The following RNF169 variants were observed in gnomAD, a reference collection of about 807,000 sequenced individuals.
RNF169 encodes ring finger protein 169.
RNF169 carries 24 observed loss-of-function variants against 53.9 expected under a neutral mutation model. The ratio of observed to expected loss-of-function variants is 0.45; its 90% confidence interval spans 0.32 to 0.63. The LOEUF is 0.63. RNF169 is among the 20% of genes least tolerant of loss of function. The pLI is 0.04. For synonymous variants in RNF169, 396 were observed against 363.5 expected, an observed-to-expected ratio of 1.09 and a Z score of -1.02; for missense variants, 883 against 906.2, an observed-to-expected ratio of 0.97 and a Z score of 0.33.
rs1266939242 is a variant in RNF169, at chr11:74,837,592, C to T, written c.*862C>T. 6.6e-6 allele frequency: 1 copy of T among 152,186 alleles called. No individual in the cohort carries two copies. Among genetic ancestry groups the T allele is most frequent in the Non-Finnish European group, 1.5e-5 (1 of 68,044 alleles). 9.4% of individuals were successfully genotyped at this position (152,186 alleles called of 1,614,324 possible). A position where few individuals can be genotyped will look rare whatever the true frequency, so the allele number is the denominator to read the frequency against. On this transcript the variant is annotated 3_prime_UTR_variant, in exon 6 of 6. Coordinates refer to ENST00000299563, the MANE Select transcript of RNF169 (RefSeq NM_001098638.2). ...TGGATAAACATATATGTGCATTATC[C>T]CCATCCCCCACAGTTTAGAGCCTTC...
chr11:74,765,522 C>T (rs143849373), intron 1 of RNF169, among the ~76,000 whole-genome samples: 15 of 152,194 alleles, frequency 9.9e-5, no homozygotes, highest in South Asian at 2.1e-4. Context: ...CAAAACCAGC[C>T]GGGTGCGGTG....
At chr11:74,785,205 TATATGA>T (rs1278456814) in intron 1 of RNF169, among the ~76,000 whole-genome samples, 7 of 122,964 alleles carry the variant, frequency 5.7e-5, no homozygotes, top group Non-Finnish European at 1.1e-4. Context: ...ATGATATATA[TATATGA>T]TATATATATG....
intron 2 of RNF169, among the ~76,000 whole-genome samples, chr11:74,793,793 T>C (rs144301884): frequency 3.1e-4 from 47 of 152,344 alleles, no homozygotes; most frequent in African/African-American, 1.0e-3. Flanking sequence ...TAGTTGTCTT[T>C]TTTTAACATA....
At chr11:74,798,339 C>A (rs918337715) in intron 2 of RNF169, among the ~76,000 whole-genome samples, 3 of 152,210 alleles carry the variant, frequency 2.0e-5, no homozygotes, top group Non-Finnish European at 4.4e-5. Flanking sequence ...GAGTGGGTCT[C>A]TGAACTGGCC....
rs564579928 is a variant in RNF169 at position 74,786,613 on chromosome 11, A to C, written c.503-3013A>C. ...ACCTGCAAGTAAATTGAACCAAACCACAATTTAAAGAATGCTGTCCCACCA... is the reference window on the plus strand; with the variant it reads ...ACCTGCAAGTAAATTGAACCAAACCCCAATTTAAAGAATGCTGTCCCACCA... On this transcript the variant is annotated intron_variant, in intron 1 of 5. Coordinates refer to ENST00000299563, the MANE Select transcript of RNF169 (RefSeq NM_001098638.2). Among the ~76,000 whole-genome samples, 3 of 152,304 alleles carry C rather than the reference A, an allele frequency of 2.0e-5. No homozygotes were observed. The East Asian group carries it at 5.8e-4, about 29-fold the overall frequency.
At chr11:74,799,281 T>C in intron 2 of RNF169, among the ~76,000 whole-genome samples, 1 of 152,042 alleles carries the variant, frequency 6.6e-6, no homozygotes, top group East Asian at 1.9e-4. Context: ...AAATTCTCAA[T>C]AGAATGTTTA....
At chr11:74,828,633 T>C (rs2036132784) in intron 4 of RNF169, among the ~76,000 whole-genome samples, 1 of 152,150 alleles carries the variant, frequency 6.6e-6, no homozygotes, top group Non-Finnish European at 1.5e-5. Context: ...AGCCTGATAT[T>C]GATACAAGAA....
At chr11:74,770,270 A>G (rs2035240996) in intron 1 of RNF169, among the ~76,000 whole-genome samples, 1 of 152,240 alleles carries the variant, frequency 6.6e-6, no homozygotes, top group African/African-American at 2.4e-5. Context: ...AGCGATAGCC[A>G]TCGTATTTCT....
At position 74,789,682 on chromosome 11, in the gene RNF169, T is replaced by C; in HGVS notation, c.559T>C (p.Tyr187His). 1.9e-6 allele frequency: 3 copies of C among 1,601,070 alleles called. No individual in the cohort carries two copies. The highest frequency in any genetic ancestry group is 2.6e-6 in the Non-Finnish European group (3 of 1,168,482). The part of the protein sequence containing the change: ...LSKPGELREE[Y>H]ESLRKLREEK... ...CAAGCCTGGGGAACTTCGTGAGGAA[T>C]ATGAAAGCTTGAGAAAGGTATAGTA... Residue 187 changes from tyrosine to histidine, a missense_variant, in exon 2 of 6, where the codon TAT becomes CAT. Coordinates refer to ENST00000299563, the MANE Select transcript of RNF169 (RefSeq NM_001098638.2).
Position 74,838,563 on chromosome 11 carries a change from G to C in RNF169, c.*1833G>C, listed in dbSNP as rs2036291872. The C allele has an allele frequency of 6.6e-6, 1 of 152,202 alleles. No individual in the cohort carries two copies. The highest frequency in any genetic ancestry group is 1.5e-5 in the Non-Finnish European group (1 of 68,038). The allele number at this position is 152,202 out of a possible 1,614,324, so 9.4% of individuals were successfully genotyped here. ...CATTGAGATAGGTGGAATCTCTTTG[G>C]TGACTACGTTGGTGGGGAACATCAC... On this transcript the variant is annotated 3_prime_UTR_variant, in exon 6 of 6. Transcript: ENST00000299563.
chr11:74,803,834 T>G (rs2035767614), intron 2 of RNF169, among the ~76,000 whole-genome samples: 1 of 152,240 alleles, frequency 6.6e-6, no homozygotes. Flanking sequence ...TAATTTTTCA[T>G]GAGGAAATGA....
At chr11:74,753,839 C>T (rs1426871673) in intron 1 of RNF169, among the ~76,000 whole-genome samples, 4 of 152,022 alleles carry the variant, frequency 2.6e-5, no homozygotes, top group Non-Finnish European at 4.4e-5. Flanking sequence ...TTGTTCTTTG[C>T]CTGCTTTTTT....
chr11:74,834,253 G>A (rs1186276267), intron 4 of RNF169, among the ~76,000 whole-genome samples: 1 of 152,158 alleles, frequency 6.6e-6, no homozygotes, highest in Admixed American at 6.5e-5. Context: ...GCACTGCTGT[G>A]CATTTTTGTA....
At chr11:74,783,583 A>G (rs1237733734) in intron 1 of RNF169, among the ~76,000 whole-genome samples, 1 of 152,214 alleles carries the variant, frequency 6.6e-6, no homozygotes, top group African/African-American at 2.4e-5. Flanking sequence ...CTTCAGTGCT[A>G]CTAAACACTT....
At chr11:74,786,129 C>T (rs764796947) in intron 1 of RNF169, among the ~76,000 whole-genome samples, 4 of 151,486 alleles carry the variant, frequency 2.6e-5, no homozygotes, top group African/African-American at 9.7e-5. Flanking sequence ...TTAGGAGAGA[C>T]GGGGTTTCAC....
At chr11:74,797,627 T>A (rs2135097541) in intron 2 of RNF169, among the ~76,000 whole-genome samples, 1 of 152,344 alleles carries the variant, frequency 6.6e-6, no homozygotes, top group Non-Finnish European at 1.5e-5. Context: ...CCTTCTCTTA[T>A]TAGAAATGAC....
intron 1 of RNF169, among the ~76,000 whole-genome samples, chr11:74,755,787 T>A (rs1198642118): frequency 6.6e-6 from 1 of 152,164 alleles, no homozygotes; most frequent in Non-Finnish European, 1.5e-5. Context: ...GCTTGGGATG[T>A]TCAGGGACTG....
In RNF169 at chr11:74,821,416, TG is replaced by T. The variant is rs762930012; in HGVS notation, c.842+3705del. On this transcript the variant is annotated intron_variant, in intron 4 of 5. Transcript: ENST00000299563. ...GCTCACGCCTGTAATCCCAGCACTT[TG>T]GGAGGCCGAGGCGGGCGGATCACGA... Among the ~76,000 whole-genome samples the T allele has an allele frequency of 3.6e-3, 249 of 69,376 alleles. 49 individuals carry two copies. The highest frequency in any genetic ancestry group is 0.017 in the Middle Eastern group (2 of 120). The allele number at this position is 69,376 out of a possible 152,430, so 45.5% of individuals were successfully genotyped here. A position where few individuals can be genotyped will look rare whatever the true frequency, so the allele number is the denominator to read the frequency against.
At chr11:74,767,829 G>A (rs117799523) in intron 1 of RNF169, among the ~76,000 whole-genome samples, 3,040 of 151,722 alleles carry the variant, frequency 0.02, 39 homozygotes, top group Non-Finnish European at 0.033. Flanking sequence ...CGCCCACTTC[G>A]GCCTCCCCAT....
Sources: allele counts gnomAD v4.1 joint callset (sites outside exome capture counted in the v4.1 genomes callset), GRCh38; gene constraint gnomAD v4.1.1; transcripts MANE v1.5; gene names NCBI Gene and HGNC (gene_info 2026-07-23, HGNC 2026-07-21).